Variants in SRGAP3 observed in about 807,000 individuals in gnomAD.
SRGAP3 encodes the protein SLIT-ROBO Rho GTPase activating protein 3.
Under a neutral mutation model 121.1 loss-of-function variants are expected in SRGAP3, and 39 were observed. The ratio of observed to expected loss-of-function variants is 0.32; its 90% confidence interval spans 0.25 to 0.42. The LOEUF is 0.42. Among genes scored for constraint, SRGAP3 ranks in the 10% least tolerant of loss-of-function variants. The pLI, the probability that SRGAP3 is intolerant of heterozygous loss-of-function variation, is 1.00. For missense variants in SRGAP3, 1,213 were observed against 1,470.6 expected, an observed-to-expected ratio of 0.82 and a Z score of 2.86; for synonymous variants, 601 against 570.0, an observed-to-expected ratio of 1.05 and a Z score of -0.77.
chr3:9,003,518 C>T (rs986311543), intron 18 of SRGAP3, among the ~76,000 whole-genome samples: 5 of 128,424 alleles, frequency 3.9e-5, no homozygotes, highest in Non-Finnish European at 8.5e-5. Context: ...AAATCACTAG[C>T]GAGCCAAATG....
intron 1 of SRGAP3, among the ~76,000 whole-genome samples, chr3:9,174,318 T>A (rs1230323424): frequency 6.6e-6 from 1 of 152,250 alleles, no homozygotes; most frequent in African/African-American, 2.4e-5. Flanking sequence ...CTGTACGTTG[T>A]AAAATGGTTA....
intron 2 of SRGAP3, among the ~76,000 whole-genome samples, chr3:9,124,400 ATG>A (rs138624105): frequency 0.017 from 2,596 of 152,318 alleles, 31 homozygotes; most frequent in Non-Finnish European, 0.027. Context: ...CAGGGCACAA[ATG>A]GAGGCTAGCT....
intron 2 of SRGAP3, among the ~76,000 whole-genome samples, chr3:9,114,727 G>T (rs979934015): frequency 4.6e-5 from 7 of 152,198 alleles, no homozygotes; most frequent in African/African-American, 1.7e-4. Flanking sequence ...CCTTTGCCTT[G>T]GTTTATCTGC....
chr3:9,114,402 T>C (rs867985104), intron 2 of SRGAP3, among the ~76,000 whole-genome samples: 53 of 152,238 alleles, frequency 3.5e-4, no homozygotes, highest in Non-Finnish European at 1.3e-4. Context: ...CAGCCTATGA[T>C]AAGTGTTCTA....
chr3:9,049,944 T>C (rs1291948530), intron 9 of SRGAP3, among the ~76,000 whole-genome samples: 1 of 151,850 alleles, frequency 6.6e-6, no homozygotes, highest in Non-Finnish European at 1.5e-5. Context: ...GCCTCCCAAG[T>C]AGCTGGGACC....
intron 4 of SRGAP3, among the ~76,000 whole-genome samples, chr3:9,072,231 C>T (rs1290856554): frequency 6.6e-6 from 1 of 152,160 alleles, no homozygotes; most frequent in Non-Finnish European, 1.5e-5. Flanking sequence ...CTCCTTCTGC[C>T]CCTCTCTGCA....
At chr3:9,272,446 T>C (rs897968266) in intron 3 of SRGAP3, among the ~76,000 whole-genome samples, 1 of 152,184 alleles carries the variant, frequency 6.6e-6, no homozygotes, top group South Asian at 2.1e-4. Context: ...CATTCTACTT[T>C]CTGTTTCCAT....
chr3:9,257,209 T>C (rs1311217960), intron 3 of SRGAP3, among the ~76,000 whole-genome samples: 2 of 152,206 alleles, frequency 1.3e-5, no homozygotes, highest in Non-Finnish European at 2.9e-5. Flanking sequence ...TTAAAATTCA[T>C]GGGTTGAAAT....
At chr3:9,060,665 C>G (rs1946114229) in intron 5 of SRGAP3, among the ~76,000 whole-genome samples, 1 of 152,134 alleles carries the variant, frequency 6.6e-6, no homozygotes, top group Non-Finnish European at 1.5e-5. Context: ...ATCTGGAACT[C>G]CTGGCCTCAA....
intron 1 of SRGAP3, among the ~76,000 whole-genome samples, chr3:9,203,817 T>A (rs192067387): frequency 5.0e-4 from 76 of 152,354 alleles, no homozygotes; most frequent in Non-Finnish European, 7.2e-4. Context: ...CACATAGCCC[T>A]TTACAACGTG....
At chr3:9,143,967 A>G (rs949092466) in intron 1 of SRGAP3, among the ~76,000 whole-genome samples, 2 of 152,074 alleles carry the variant, frequency 1.3e-5, no homozygotes, top group Non-Finnish European at 2.9e-5. Context: ...CTCCACTGCC[A>G]TCATCCTAGT....
chr3:9,102,117 G>C (rs1274133275), intron 3 of SRGAP3, among the ~76,000 whole-genome samples: 1 of 152,236 alleles, frequency 6.6e-6, no homozygotes, highest in Non-Finnish European at 1.5e-5. Context: ...TGGCTTGGTA[G>C]AGCCCTAGGA....
intron 1 of SRGAP3, among the ~76,000 whole-genome samples, chr3:9,224,752 A>G (rs1952929828): frequency 6.6e-6 from 1 of 152,202 alleles, no homozygotes; most frequent in Non-Finnish European, 1.5e-5. Context: ...TGTCTACACT[A>G]GAAATAACTC....
chr3:9,123,380 TATATATATACATACACAATAC>T (rs1465679943), intron 2 of SRGAP3, among the ~76,000 whole-genome samples: 22 of 46,156 alleles, frequency 4.8e-4, no homozygotes, highest in East Asian at 3.0e-3. Flanking sequence ...AAAATATATA[TATATATATACATACACAATAC>T]ACATACATAC....
rs540526762 is a variant in SRGAP3 at position 9,140,945 on chromosome 3, G to A, written c.68-16028C>T. On this transcript the variant is annotated intron_variant, in intron 1 of 21. Coordinates refer to ENST00000383836, the MANE Select transcript of SRGAP3 (RefSeq NM_014850.4). ...TGTGGCAATCCCATTTCTCCCCAGG[G>A]GTTAGGCAGGCATAGGAAGGTTGCA... Among the ~76,000 whole-genome samples the A allele has an allele frequency of 2.6e-5, 4 of 152,304 alleles. No individual in the cohort carries two copies. The East Asian group carries it at 7.7e-4, about 29-fold the overall frequency.
intron 1 of SRGAP3, among the ~76,000 whole-genome samples, chr3:9,360,757 T>C (rs1255200760): frequency 2.0e-5 from 3 of 152,166 alleles, no homozygotes; most frequent in Non-Finnish European, 2.9e-5. Flanking sequence ...ATGCAGGGAA[T>C]CACCCCCATG....
intron 3 of SRGAP3, among the ~76,000 whole-genome samples, chr3:9,267,371 T>C (rs994724896): frequency 2.0e-5 from 3 of 152,188 alleles, no homozygotes; most frequent in Admixed American, 6.5e-5. Flanking sequence ...AGAGATGAGA[T>C]CAACTACAAA....
At chr3:9,178,048 G>A (rs754136558) in intron 1 of SRGAP3, among the ~76,000 whole-genome samples, 7 of 152,146 alleles carry the variant, frequency 4.6e-5, no homozygotes, top group Non-Finnish European at 8.8e-5. Flanking sequence ...TGGGCAGATT[G>A]CTTGAGCCCA....
At chr3:9,344,418 G>A (rs574877216) in intron 1 of SRGAP3, among the ~76,000 whole-genome samples, 35 of 152,206 alleles carry the variant, frequency 2.3e-4, no homozygotes, top group Admixed American at 1.6e-3. Flanking sequence ...TCGTGCCACC[G>A]GACTCTAGCC....
Sources: gnomAD v4.1 joint callset for allele counts (sites outside exome capture counted in the v4.1 genomes callset) on GRCh38, gnomAD v4.1.1 for gene constraint, MANE v1.5 for transcripts, NCBI Gene and HGNC (gene_info 2026-07-23, HGNC 2026-07-21) for gene names.